The following PIK3R6 variants were observed in gnomAD, a reference collection of about 807,000 sequenced individuals.
PIK3R6 encodes phosphoinositide-3-kinase regulatory subunit 6.
Under a neutral mutation model 84.9 loss-of-function variants are expected in PIK3R6, and 91 were observed. The ratio of observed to expected loss-of-function variants is 1.07; its 90% CI spans 0.90 to 1.28. The LOEUF is 1.28. Among genes scored for constraint, PIK3R6 ranks in the 50% most tolerant of loss-of-function variants. The pLI is 0.00. For synonymous variants in PIK3R6, 416 were observed against 411.4 expected, an observed-to-expected ratio of 1.01 and a Z score of -0.13; for missense variants, 996 against 985.1, an observed-to-expected ratio of 1.01 and a Z score of -0.15.
chr17:8,819,689 T>TATATATACAC (rs374733654), intron 17 of PIK3R6, among the ~76,000 whole-genome samples: 33 of 135,878 alleles, frequency 2.4e-4, no homozygotes, highest in East Asian at 8.2e-4. Flanking sequence ...TATATATATA[T>TATATATACAC]ACACACACAC....
intron 2 of PIK3R6, among the ~76,000 whole-genome samples, chr17:8,843,653 T>C (rs2088745322): frequency 6.6e-6 from 1 of 151,614 alleles, no homozygotes; most frequent in Non-Finnish European, 1.5e-5. Context: ...AAAAAAGCAA[T>C]GAATTAGCTG....
rs35714531 is a variant in PIK3R6, at chr17:8,864,529, C to CTTTT, written c.-92+2996_-92+2999dup. Among the ~76,000 whole-genome samples the CTTTT allele has an allele frequency of 2.4e-4, 16 of 65,598 alleles. 2 individuals carry two copies. The highest frequency in any genetic ancestry group is 2.5e-4 in the Non-Finnish European group (9 of 35,402). The allele number at this position is 65,598 out of a possible 152,430, so 43.0% of individuals were successfully genotyped here. A position where few individuals can be genotyped will look rare whatever the true frequency, so the allele number is the denominator to read the frequency against. ...CTTATAACCCAGGTCCTTCACAGCT[C>CTTTT]TTTTTTTTTTTTTTTTTTTTTTTTT... On this transcript the variant is annotated intron_variant, in intron 1 of 19. Transcript: ENST00000619866.
At chr17:8,828,235 G>T (rs1449548756) in intron 11 of PIK3R6, 45 bp from the exon 12 acceptor site, 30 of 1,571,448 alleles carry the variant, frequency 1.9e-5, no homozygotes, top group Non-Finnish European at 2.5e-5. Context: ...GCGGGGCTTG[G>T]CTTCAAACAG....
chr17:8,850,797 A>G (rs962349387), intron 1 of PIK3R6, among the ~76,000 whole-genome samples: 5 of 152,226 alleles, frequency 3.3e-5, no homozygotes, highest in Admixed American at 6.5e-5. Context: ...TGTCATATAT[A>G]TATTTCTTTA....
chr17:8,827,801 A>AGAGG (rs2087994315), intron 12 of PIK3R6, among the ~76,000 whole-genome samples: 1 of 137,070 alleles, frequency 7.3e-6, no homozygotes, highest in African/African-American at 3.0e-5. Flanking sequence ...AGAGAGAGAG[A>AGAGG]GAGAGAGAGA....
chr17:8,830,952 G>A (rs1208135875), intron 9 of PIK3R6, among the ~76,000 whole-genome samples: 1 of 151,746 alleles, frequency 6.6e-6, no homozygotes, highest in African/African-American at 2.4e-5. Flanking sequence ...AACCATCCTG[G>A]CTAACACGGT....
intron 1 of PIK3R6, among the ~76,000 whole-genome samples, chr17:8,864,674 A>G (rs1567619652): frequency 6.6e-6 from 1 of 150,980 alleles, no homozygotes; most frequent in Non-Finnish European, 1.5e-5. Context: ...AGTACCTGGG[A>G]CCACAGGCGC....
chr17:8,815,360 G>T (rs1243053440), intron 18 of PIK3R6, among the ~76,000 whole-genome samples: 2 of 152,072 alleles, frequency 1.3e-5, no homozygotes, highest in African/African-American at 4.8e-5. Flanking sequence ...ACAAAAATTA[G>T]CACGGTGTGG....
intron 1 of PIK3R6, among the ~76,000 whole-genome samples, chr17:8,864,148 C>T (rs2089347979): frequency 6.6e-6 from 1 of 152,146 alleles, no homozygotes; most frequent in African/African-American, 2.4e-5. Context: ...AGATACTGTC[C>T]ATTCTAGGAC....
At chr17:8,833,569 T>C (rs1597409263) in intron 8 of PIK3R6, among the ~76,000 whole-genome samples, 1 of 132,906 alleles carries the variant, frequency 7.5e-6, no homozygotes, top group East Asian at 2.1e-4. Flanking sequence ...TGAGACGGAG[T>C]CTTGCTCTGT....
chr17:8,834,498 C>T (rs978084251), intron 8 of PIK3R6, among the ~76,000 whole-genome samples: 1 of 151,492 alleles, frequency 6.6e-6, no homozygotes, highest in Non-Finnish European at 1.5e-5. Flanking sequence ...CTCAAGTGAT[C>T]CTCTTGTCTT....
At chr17:8,819,251 T>C (rs775915703) in intron 17 of PIK3R6, 53 bp from the exon 18 acceptor site, 124 of 1,347,980 alleles carry the variant, frequency 9.2e-5, no homozygotes, top group Non-Finnish European at 1.2e-4. Flanking sequence ...TAGGGGAGTT[T>C]GATATTCTAG....
chr17:8,849,121 G>A (rs1380841278), intron 2 of PIK3R6, among the ~76,000 whole-genome samples: 1 of 152,014 alleles, frequency 6.6e-6, no homozygotes, highest in African/African-American at 2.4e-5. Context: ...CCACTTTCTG[G>A]CTTTGCCACT....
At chr17:8,866,721 A>G (rs2089422156) in intron 1 of PIK3R6, among the ~76,000 whole-genome samples, 1 of 152,002 alleles carries the variant, frequency 6.6e-6, no homozygotes, top group South Asian at 2.1e-4. Context: ...AGCCTCAGCC[A>G]GGCACCACCT....
chr17:8,841,237 T>C (rs1370752152), intron 2 of PIK3R6, among the ~76,000 whole-genome samples: 2 of 151,740 alleles, frequency 1.3e-5, no homozygotes, highest in African/African-American at 4.8e-5. Flanking sequence ...CCAGGACAGG[T>C]GGTAACAAAG....
Position 8,851,093 on chromosome 17 carries a change from C to T in PIK3R6, c.-91-1208G>A, listed in dbSNP as rs117022705. ...TCAGTTTATTGGACAAGGCCAGCTT[C>T]ACCTTGATACCAAAATCTAATAAAG... is the stretch of plus-strand genomic sequence containing the variant. On this transcript the variant is annotated intron_variant, in intron 1 of 19. Transcript: ENST00000619866. Among the ~76,000 whole-genome samples the T allele has an allele frequency of 1.3e-3, 186 of 148,272 alleles. 1 individual carries two copies. The East Asian group carries it at 0.027, about 22-fold the overall frequency.
Position 8,839,662 on chromosome 17 carries a change from C to G in PIK3R6, c.49G>C (p.Val17Leu), listed in dbSNP as rs867774452. ...GCCTGGGTGCTGAGCTCCCGGAGCACAGCCTGCACGCTCCTCTGGAGGTCC... is the reference window on the plus strand; with the variant it reads ...GCCTGGGTGCTGAGCTCCCGGAGCAGAGCCTGCACGCTCCTCTGGAGGTCC... The part of the protein sequence containing the change: ...ELDLQRSVQA[V>L]LRELSTQAPA... Residue 17 changes from valine to leucine, a missense_variant, in exon 3 of 20, where the codon GTG (valine) becomes CTG (leucine). Transcript: ENST00000619866. This position sits in a 1 kb window ranked among gnomAD's most constrained non-coding sequence, Gnocchi z 4.2. 1.3e-6 allele frequency: 2 copies of G among 1,580,236 alleles called. No individual in the cohort carries two copies. The highest frequency in any genetic ancestry group is 1.7e-6 in the Non-Finnish European group (2 of 1,162,754).
intron 12 of PIK3R6, 144 bp downstream of exon 12, chr17:8,827,968 G>C: frequency 1.2e-6 from 1 of 805,832 alleles, no homozygotes; most frequent in Non-Finnish European, 1.9e-6. Flanking sequence ...ATAGAAGACC[G>C]CTGACCTCTC....
chr17:8,803,612 C>A lies in PIK3R6; in HGVS notation c.2109-183G>T, dbSNP rs2087108612. Reference sequence around the variant, plus strand: ...AAGAAAAACCTGGGCCTGGGGTTCACCGGGAGAGGAGACACTTGGAGCAAG... The same window carrying A: ...AAGAAAAACCTGGGCCTGGGGTTCAACGGGAGAGGAGACACTTGGAGCAAG... On this transcript the variant is annotated intron_variant, in intron 19 of 19. Coordinates refer to ENST00000619866, the MANE Select transcript of PIK3R6 (RefSeq NM_001010855.4). The surrounding 1 kb of genome is among the most constrained non-coding windows in gnomAD (Gnocchi z 5.0). The A allele has an allele frequency of 6.5e-6, 4 of 616,984 alleles. No homozygotes were observed. In the East Asian group the frequency reaches 1.2e-4, roughly 18 times the overall value. The allele number at this position is 616,984 out of a possible 1,614,324, so 38.2% of individuals were successfully genotyped here.
Sources: allele counts gnomAD v4.1 joint callset (sites outside exome capture counted in the v4.1 genomes callset), GRCh38; gene constraint gnomAD v4.1.1; non-coding constraint Gnocchi (gnomAD v3.1); transcripts MANE v1.5; gene names NCBI Gene and HGNC (gene_info 2026-07-23, HGNC 2026-07-21).